The following CERS6 variants were observed in gnomAD, a reference collection of about 807,000 sequenced individuals.
CERS6 encodes the protein LAG1 homolog, ceramide synthase 6.
In CERS6, 26 loss-of-function variants were observed where a neutral mutation model predicts 56.8. The ratio of observed to expected loss-of-function variants is 0.46; its 90% CI spans 0.34 to 0.63. CERS6 has a LOEUF of 0.63. Ranked by LOEUF, CERS6 falls within the 30% of genes least tolerant of loss-of-function variation. The pLI is 0.01. For synonymous variants in CERS6, 164 were observed against 173.3 expected (o/e 0.95, Z 0.42); for missense variants, 415 against 467.5 (o/e 0.89, Z 1.04).
intron 4 of CERS6, among the ~76,000 whole-genome samples, chr2:168,674,959 C>CTTATTTAT (rs59783108): frequency 0.017 from 2,505 of 148,484 alleles, 41 homozygotes; most frequent in South Asian, 0.042. Flanking sequence ...TTTACATTAC[C>CTTATTTAT]TTATTTATTT....
At chr2:168,643,203 T>G (rs1027834407) in intron 4 of CERS6, among the ~76,000 whole-genome samples, 1 of 133,640 alleles carries the variant, frequency 7.5e-6, no homozygotes, top group Admixed American at 7.6e-5. Context: ...AAGCTAGTAC[T>G]TGAAGCTATA....
chr2:168,539,373 A>G (rs1280046638), intron 1 of CERS6, among the ~76,000 whole-genome samples: 1 of 152,122 alleles, frequency 6.6e-6, no homozygotes. Context: ...AACTTCTTTG[A>G]GCTTTAGTTT....
intron 6 of CERS6, among the ~76,000 whole-genome samples, chr2:168,703,592 G>A (rs986061515): frequency 1.3e-5 from 2 of 152,020 alleles, no homozygotes; most frequent in African/African-American, 2.4e-5. Flanking sequence ...GTGACTCCCA[G>A]GTAGTGCCTC....
intron 7 of CERS6, among the ~76,000 whole-genome samples, chr2:168,717,474 A>C (rs1229344888): frequency 6.6e-6 from 1 of 152,128 alleles, no homozygotes; most frequent in Non-Finnish European, 1.5e-5. Context: ...GGTTTAAAGG[A>C]TTGTCCAGCA....
At chr2:168,639,522 C>T (rs983964091) in intron 4 of CERS6, among the ~76,000 whole-genome samples, 1 of 152,156 alleles carries the variant, frequency 6.6e-6, no homozygotes, top group Non-Finnish European at 1.5e-5. Flanking sequence ...CATAATAGAA[C>T]ATTTTCCTCA....
chr2:168,574,394 G>A (rs1326550888), intron 3 of CERS6, among the ~76,000 whole-genome samples: 1 of 146,420 alleles, frequency 6.8e-6, no homozygotes, highest in African/African-American at 2.7e-5. Flanking sequence ...GTGTGTGTGT[G>A]TGTGTGTGTG....
chr2:168,524,574 G>A (rs1695037574), intron 1 of CERS6, among the ~76,000 whole-genome samples: 1 of 152,208 alleles, frequency 6.6e-6, no homozygotes, highest in Non-Finnish European at 1.5e-5. Context: ...TCCGTGTAAC[G>A]AAATGATAAA....
At chr2:168,572,445 A>G (rs1456316339) in intron 3 of CERS6, among the ~76,000 whole-genome samples, 2 of 152,094 alleles carry the variant, frequency 1.3e-5, no homozygotes, top group Non-Finnish European at 2.9e-5. Context: ...ACCCAACACC[A>G]CACAGCTACT....
rs1262918540 is a variant in CERS6 at position 168,714,959 on chromosome 2, A to G, written c.610-42A>G. ...GGCTGAATGGCTAAATGGAAATGTGATGTTGCTAAACTCTAATATGGATGT... is the reference window on the plus strand; with the variant it reads ...GGCTGAATGGCTAAATGGAAATGTGGTGTTGCTAAACTCTAATATGGATGT... On this transcript the variant is annotated intron_variant, in intron 6 of 9. Coordinates refer to ENST00000305747, the MANE Select transcript of CERS6 (RefSeq NM_203463.3). 7 of 1,569,034 alleles carry G rather than the reference A, an allele frequency of 4.5e-6. 1 individual carries two copies. The South Asian group carries it at 6.0e-5, about 14-fold the overall frequency.
chr2:168,725,179 C>A (rs546129705), intron 8 of CERS6, among the ~76,000 whole-genome samples: 1 of 152,366 alleles, frequency 6.6e-6, no homozygotes, highest in African/African-American at 2.4e-5. Flanking sequence ...GCAGGGCCGG[C>A]CGGCTGCTTC....
chr2:168,695,758 G>A (rs1686630200), intron 6 of CERS6, among the ~76,000 whole-genome samples: 1 of 152,096 alleles, frequency 6.6e-6, no homozygotes, highest in Non-Finnish European at 1.5e-5. Flanking sequence ...CATCTCCCTG[G>A]ATGATTGAGT....
chr2:168,648,323 A>C (rs551617422), intron 4 of CERS6, among the ~76,000 whole-genome samples: 1 of 152,018 alleles, frequency 6.6e-6, no homozygotes, highest in Non-Finnish European at 1.5e-5. Flanking sequence ...TGTTCCTAGT[A>C]GTTTCTGATG....
At chr2:168,564,023 C>T (rs1034091564) in intron 3 of CERS6, among the ~76,000 whole-genome samples, 1 of 152,112 alleles carries the variant, frequency 6.6e-6, no homozygotes, top group African/African-American at 2.4e-5. Context: ...ACTAGATTCT[C>T]CTGCCTTTCC....
intron 4 of CERS6, among the ~76,000 whole-genome samples, chr2:168,671,831 A>G (rs1268761461): frequency 2.0e-5 from 3 of 152,200 alleles, no homozygotes; most frequent in Non-Finnish European, 4.4e-5. Context: ...GTGACTAGTA[A>G]TATTTAAGCA....
At chr2:168,461,421 C>A (rs186496576) in intron 1 of CERS6, among the ~76,000 whole-genome samples, 53 of 140,328 alleles carry the variant, frequency 3.8e-4, no homozygotes, top group Non-Finnish European at 5.9e-4. Context: ...GATTGCGCTA[C>A]TACACTCTAG....
At chr2:168,635,108 T>A (rs1218546555) in intron 4 of CERS6, among the ~76,000 whole-genome samples, 1 of 152,188 alleles carries the variant, frequency 6.6e-6, no homozygotes, top group Non-Finnish European at 1.5e-5. Flanking sequence ...AACAGACATT[T>A]CAAGGACTGG....
intron 2 of CERS6, among the ~76,000 whole-genome samples, chr2:168,551,539 A>G (rs757710268): frequency 6.6e-6 from 1 of 152,206 alleles, no homozygotes; most frequent in Non-Finnish European, 1.5e-5. Context: ...TGAGGGTTAA[A>G]TAATCATGAA....
intron 3 of CERS6, among the ~76,000 whole-genome samples, chr2:168,618,435 C>A (rs544281904): frequency 6.9e-4 from 105 of 152,270 alleles, no homozygotes; most frequent in African/African-American, 2.4e-3. Flanking sequence ...ACAAGGAAGT[C>A]AAACTGTGGC....
At chr2:168,563,582 G>A (rs557102782) in intron 3 of CERS6, among the ~76,000 whole-genome samples, 2 of 152,158 alleles carry the variant, frequency 1.3e-5, no homozygotes, top group Non-Finnish European at 2.9e-5. Flanking sequence ...CGGATCATGA[G>A]GTCAGGAGAT....
Sources: gnomAD v4.1 joint callset for allele counts (sites outside exome capture counted in the v4.1 genomes callset) on GRCh38, gnomAD v4.1.1 for gene constraint, MANE v1.5 for transcripts, NCBI Gene and HGNC (gene_info 2026-07-23, HGNC 2026-07-21) for gene names.